TAS2R1: variants seen among roughly 807,000 people sequenced by gnomAD.
The protein encoded by TAS2R1 is taste receptor type 2 member 1.
For synonymous variants in TAS2R1, 141 were observed against 134.2 expected, an observed-to-expected ratio of 1.05 and a Z score of -0.35; for missense variants, 370 against 353.4, an observed-to-expected ratio of 1.05 and a Z score of -0.38.
chr5:9,739,715 T>C, the TAS2R1 span, among the ~76,000 whole-genome samples: 1 of 152,204 alleles, frequency 6.6e-6, no homozygotes, highest in Non-Finnish European at 1.5e-5. Flanking sequence ...ACGCTCTCTT[T>C]CTAATGCCCT....
the TAS2R1 span, among the ~76,000 whole-genome samples, chr5:9,822,016 A>G: frequency 1.3e-5 from 2 of 152,042 alleles, no homozygotes; most frequent in Non-Finnish European, 2.9e-5. Context: ...ATTCCAGTTG[A>G]CTCTGTGGTC....
At chr5:9,718,537 C>T in the TAS2R1 span, among the ~76,000 whole-genome samples, 1 of 151,982 alleles carries the variant, frequency 6.6e-6, no homozygotes, top group Non-Finnish European at 1.5e-5. Context: ...CCTGTAATCC[C>T]AACACTTTGA....
chr5:9,893,031 C>A, the TAS2R1 span, among the ~76,000 whole-genome samples: 2 of 152,124 alleles, frequency 1.3e-5, no homozygotes, highest in African/African-American at 2.4e-5. Context: ...ATGACTGCAC[C>A]GCTACCAAAA....
At chr5:9,659,109 C>G (rs1740477022) in intron 2 of TAS2R1, among the ~76,000 whole-genome samples, 1 of 152,168 alleles carries the variant, frequency 6.6e-6, no homozygotes, top group Non-Finnish European at 1.5e-5. Flanking sequence ...TCTAGTCTTT[C>G]TAGCAAGACT....
In TAS2R1 at chr5:9,627,695, A is replaced by G. The variant is rs1739781141; in HGVS notation, c.*1438T>C. ...CCCAGGATACAACTGATCTTCCCAC[A>G]GCTGGCTTCCTGAGTGCGTGATTAG... On this transcript the variant is annotated 3_prime_UTR_variant, in exon 1 of 1. Coordinates refer to ENST00000382492, the MANE Select transcript of TAS2R1 (RefSeq NM_019599.3). 6.6e-6 allele frequency among the ~76,000 whole-genome samples: 1 copy of G among 152,234 alleles called. No homozygotes were observed. The highest frequency in any genetic ancestry group is 1.5e-5 in the Non-Finnish European group (1 of 68,048).
the TAS2R1 span, among the ~76,000 whole-genome samples, chr5:9,820,904 A>C: frequency 1.3e-5 from 2 of 152,140 alleles, no homozygotes; most frequent in African/African-American, 2.4e-5. Flanking sequence ...TTTTCCCACC[A>C]GCATTCCTGA....
chr5:9,889,095 C>A, the TAS2R1 span, among the ~76,000 whole-genome samples: 3 of 152,178 alleles, frequency 2.0e-5, no homozygotes, highest in African/African-American at 7.2e-5. Flanking sequence ...CACCCTTAAA[C>A]TATACAGACC....
At chr5:9,650,642 T>C (rs1378459831) in intron 2 of TAS2R1, among the ~76,000 whole-genome samples, 1 of 152,176 alleles carries the variant, frequency 6.6e-6, no homozygotes, top group East Asian at 1.9e-4. Flanking sequence ...CATGGATTCA[T>C]GACCTCTCCT....
the TAS2R1 span, among the ~76,000 whole-genome samples, chr5:9,895,115 C>T: frequency 0.092 from 13,982 of 152,160 alleles, 647 homozygotes; most frequent in Non-Finnish European, 0.096. Context: ...CCAAAGGCCT[C>T]GGCTTTCTCA....
the TAS2R1 span, among the ~76,000 whole-genome samples, chr5:9,797,082 C>A: frequency 3.3e-5 from 5 of 152,130 alleles, no homozygotes; most frequent in African/African-American, 1.2e-4. Flanking sequence ...TTTGATTGGG[C>A]TCACCAATCC....
the TAS2R1 span, among the ~76,000 whole-genome samples, chr5:9,776,762 C>G: frequency 1.3e-5 from 2 of 152,172 alleles, no homozygotes; most frequent in Non-Finnish European, 2.9e-5. Context: ...CATTTTCCTT[C>G]TTACAGTCGT....
intron 1 of TAS2R1, among the ~76,000 whole-genome samples, chr5:9,709,949 C>T (rs1741697632): frequency 6.6e-6 from 1 of 152,234 alleles, no homozygotes. Context: ...GGTTAAAACC[C>T]ATAAATGGTC....
chr5:9,799,942 A>G, the TAS2R1 span, among the ~76,000 whole-genome samples: 3 of 152,216 alleles, frequency 2.0e-5, no homozygotes, highest in Admixed American at 2.0e-4. Context: ...TCCCACAAGC[A>G]TTTTTGAATA....
the TAS2R1 span, among the ~76,000 whole-genome samples, chr5:9,852,551 T>C: frequency 6.6e-6 from 1 of 152,218 alleles, no homozygotes; most frequent in African/African-American, 2.4e-5. Context: ...TCCAGAGAAC[T>C]GTGATTCATA....
chr5:9,824,387 T>C, the TAS2R1 span, among the ~76,000 whole-genome samples: 1 of 152,242 alleles, frequency 6.6e-6, no homozygotes, highest in African/African-American at 2.4e-5. Context: ...CAGATGGTGT[T>C]CTGTGCAATG....
the TAS2R1 span, among the ~76,000 whole-genome samples, chr5:9,824,420 A>G: frequency 6.6e-6 from 1 of 152,240 alleles, no homozygotes; most frequent in Non-Finnish European, 1.5e-5. Context: ...AATGTGGCCA[A>G]CTGCTTCCTC....
chr5:9,669,092 G>A (rs969988466), intron 1 of TAS2R1, among the ~76,000 whole-genome samples: 2 of 152,062 alleles, frequency 1.3e-5, no homozygotes, highest in Non-Finnish European at 2.9e-5. Context: ...ATGGAAAACA[G>A]AGAAAAAGCA....
chr5:9,856,390 A>G, the TAS2R1 span, among the ~76,000 whole-genome samples: 2 of 151,504 alleles, frequency 1.3e-5, no homozygotes, highest in East Asian at 3.9e-4. Flanking sequence ...GCAAGGGGAG[A>G]AAAAAAAAGG....
the TAS2R1 span, among the ~76,000 whole-genome samples, chr5:9,811,387 C>A: frequency 4.7e-3 from 715 of 152,250 alleles, 4 homozygotes; most frequent in African/African-American, 0.016. Flanking sequence ...ATTTTAAAAT[C>A]CCCATACCCA....
Sources: allele counts gnomAD v4.1 joint callset (sites outside exome capture counted in the v4.1 genomes callset), GRCh38; gene constraint gnomAD v4.1.1; transcripts MANE v1.5; gene names NCBI Gene and HGNC (gene_info 2026-07-23, HGNC 2026-07-21).